Variants in SGCD observed in about 807,000 individuals in gnomAD.
SGCD encodes the protein delta-sarcoglycan.
In SGCD, 18 loss-of-function variants were observed where a neutral mutation model predicts 36.6. That is an observed-to-expected ratio of 0.49 (90% CI 0.34 to 0.73). The LOEUF is 0.73. SGCD is among the 30% of genes least tolerant of loss of function. The pLI, the probability that SGCD is intolerant of heterozygous loss-of-function variation, is 0.01. For synonymous variants in SGCD, 133 were observed against 130.6 expected, an observed-to-expected ratio of 1.02 and a Z score of -0.12; for missense variants, 387 against 346.7, an observed-to-expected ratio of 1.12 and a Z score of -0.92.
rs190734261 is a variant in SGCD at position 156,197,672 on chromosome 5, G to A, written c.-44+73653G>A. 7.8e-3 allele frequency among the ~76,000 whole-genome samples: 1,180 copies of A among 151,834 alleles called. 15 individuals carry two copies. The highest frequency in any genetic ancestry group is 0.027 in the African/African-American group (1,119 of 41,414). ...AATTGTGGCTTATATTTGTTCTCTT[G>A]CTTACAAATCTTAATTACATGTGAT... On this transcript the variant is annotated intron_variant, in intron 3 of 9. Transcript: ENST00000517913.
At position 156,150,513 on chromosome 5, in the gene SGCD, G is replaced by A. The variant is rs963952637; in HGVS notation, c.-44+26494G>A. 5.9e-5 allele frequency among the ~76,000 whole-genome samples: 9 copies of A among 151,640 alleles called. No homozygotes were observed. In the East Asian group the frequency reaches 1.3e-3, roughly 23 times the overall value. ...TTCCTTAATGGTTGGAATGATGTTG[G>A]GTTTGTTTGATGGTGTAGCTTTTGT... On this transcript the variant is annotated intron_variant, in intron 3 of 9. Transcript: ENST00000517913.
chr5:156,016,240 CA>C (rs1758975346), intron 1 of SGCD, among the ~76,000 whole-genome samples: 1 of 152,058 alleles, frequency 6.6e-6, no homozygotes, highest in Non-Finnish European at 1.5e-5. Context: ...GATTTCATTT[CA>C]ATTTTTTTTC....
the SGCD span, among the ~76,000 whole-genome samples, chr5:155,815,928 C>T: frequency 2.6e-4 from 39 of 152,158 alleles, no homozygotes; most frequent in Non-Finnish European, 4.7e-4. Context: ...AAAACATTTA[C>T]TGGTGGTCGT....
At chr5:156,436,051 C>A (rs1226020491) in intron 3 of SGCD, among the ~76,000 whole-genome samples, 1 of 152,196 alleles carries the variant, frequency 6.6e-6, no homozygotes, top group Non-Finnish European at 1.5e-5. Context: ...AAAGCCTACA[C>A]TTATCAGGGT....
intron 7 of SGCD, among the ~76,000 whole-genome samples, chr5:156,669,639 G>T (rs927414207): frequency 2.0e-5 from 3 of 152,138 alleles, no homozygotes; most frequent in African/African-American, 7.2e-5. Context: ...CAGTCATAAA[G>T]TATCTTATGT....
intron 1 of SGCD, among the ~76,000 whole-genome samples, chr5:156,070,438 G>A (rs1760509913): frequency 6.6e-6 from 1 of 150,934 alleles, no homozygotes; most frequent in South Asian, 2.1e-4. Flanking sequence ...TACATTTATT[G>A]ATTTGTGTAT....
intron 3 of SGCD, among the ~76,000 whole-genome samples, chr5:156,203,044 A>G (rs1214050984): frequency 6.6e-6 from 1 of 152,168 alleles, no homozygotes; most frequent in Non-Finnish European, 1.5e-5. Flanking sequence ...GAAAGGATGC[A>G]TCATATCCCA....
Position 156,595,142 on chromosome 5 carries a change from C to A in SGCD, c.502+91C>A. ...TGGTGTTATGAACAGGATATGTCCT[C>A]CCAAAATTCATATATCGAAATCCTA... On this transcript the variant is annotated intron_variant, in intron 6 of 8. Transcript: ENST00000337851. 2.1e-6 allele frequency: 3 copies of A among 1,405,634 alleles called. No homozygotes were observed. In the South Asian group the frequency reaches 4.5e-5, roughly 21 times the overall value. The allele number at this position is 1,405,634 out of a possible 1,614,324, so 87.1% of individuals were successfully genotyped here. A position where few individuals can be genotyped will look rare whatever the true frequency, so the allele number is the denominator to read the frequency against.
chr5:156,036,210 T>G (rs1759492632), intron 1 of SGCD, among the ~76,000 whole-genome samples: 1 of 152,102 alleles, frequency 6.6e-6, no homozygotes, highest in Non-Finnish European at 1.5e-5. Context: ...TCACCAAAAT[T>G]TGCAGTGAGA....
intron 3 of SGCD, among the ~76,000 whole-genome samples, chr5:156,379,551 G>A (rs1409469146): frequency 1.3e-5 from 2 of 152,168 alleles, no homozygotes; most frequent in African/African-American, 4.8e-5. Flanking sequence ...AACAAGTTTG[G>A]AACTTTAATT....
At chr5:156,329,474 T>C in intron 1 of SGCD, 60 bp from the exon 2 acceptor site, 1 of 1,180,906 alleles carries the variant, frequency 8.5e-7, no homozygotes, top group Non-Finnish European at 1.3e-6. Flanking sequence ...TCAGATTTCC[T>C]AGGCAAGGAG....
At chr5:156,149,497 T>G (rs990449004) in intron 3 of SGCD, among the ~76,000 whole-genome samples, 1 of 152,230 alleles carries the variant, frequency 6.6e-6, no homozygotes, top group Non-Finnish European at 1.5e-5. Flanking sequence ...ATCCAGAGTC[T>G]GTGATTTCTT....
At chr5:155,970,207 G>A (rs1757981801) in intron 1 of SGCD, among the ~76,000 whole-genome samples, 1 of 151,910 alleles carries the variant, frequency 6.6e-6, no homozygotes, top group Non-Finnish European at 1.5e-5. Context: ...TTCTCTTCCA[G>A]CCCCCATCCC....
intron 6 of SGCD, among the ~76,000 whole-genome samples, chr5:156,606,647 A>G (rs1478238813): frequency 6.6e-6 from 1 of 152,192 alleles, no homozygotes; most frequent in Non-Finnish European, 1.5e-5. Flanking sequence ...CAGTATGGCC[A>G]TTTCCATGAT....
chr5:156,529,860 A>C (rs1757812361), intron 4 of SGCD, among the ~76,000 whole-genome samples: 1 of 152,232 alleles, frequency 6.6e-6, no homozygotes, highest in African/African-American at 2.4e-5. Context: ...CTAAATTATG[A>C]CTGTGGGACT....
intron 1 of SGCD, among the ~76,000 whole-genome samples, chr5:155,953,755 T>G (rs1757589484): frequency 6.6e-6 from 1 of 152,224 alleles, no homozygotes. Context: ...GTTCCTTCCC[T>G]CCGACCTAGG....
chr5:156,292,290 C>A (rs1766778154), intron 3 of SGCD, among the ~76,000 whole-genome samples: 1 of 152,122 alleles, frequency 6.6e-6, no homozygotes, highest in South Asian at 2.1e-4. Flanking sequence ...TCACCTGCCC[C>A]TCAGGCCCTG....
chr5:156,693,855 TG>T (rs1333455640), intron 7 of SGCD, among the ~76,000 whole-genome samples: 2 of 152,218 alleles, frequency 1.3e-5, no homozygotes, highest in Non-Finnish European at 2.9e-5. Flanking sequence ...CTATCTTTCC[TG>T]GACCCTCCTT....
intron 3 of SGCD, among the ~76,000 whole-genome samples, chr5:156,430,651 G>A (rs1351845913): frequency 2.0e-5 from 3 of 151,860 alleles, no homozygotes; most frequent in Non-Finnish European, 4.4e-5. Context: ...ATTTTTGTTT[G>A]GACTATGTTT....
Sources: allele counts gnomAD v4.1 joint callset (sites outside exome capture counted in the v4.1 genomes callset), GRCh38; gene constraint gnomAD v4.1.1; transcripts MANE v1.5; gene names NCBI Gene and HGNC (gene_info 2026-07-23, HGNC 2026-07-21).